Variants in DGKH observed in about 807,000 individuals in gnomAD.
DGKH encodes the protein DAG kinase eta.
A neutral mutation model predicts 159.3 loss-of-function variants in DGKH; 90 were observed. The ratio of observed to expected loss-of-function variants is 0.57; its 90% confidence interval spans 0.48 to 0.67. The LOEUF (loss-of-function observed/expected upper bound fraction) is 0.67, where lower values mean the gene tolerates loss of function less well. DGKH is among the 30% of genes least tolerant of loss of function. The pLI is 0.00. For missense variants in DGKH, 1,181 were observed against 1,506.1 expected, an observed-to-expected ratio of 0.78 and a Z score of 3.57; for synonymous variants, 536 against 553.8, an observed-to-expected ratio of 0.97 and a Z score of 0.45.
At chr13:42,145,416 T>C (rs1205800823) in intron 3 of DGKH, among the ~76,000 whole-genome samples, 1 of 152,206 alleles carries the variant, frequency 6.6e-6, no homozygotes, top group East Asian at 1.9e-4. Flanking sequence ...CTAAGGTCTT[T>C]GGGACAATCC....
rs1404055583 is a variant in DGKH at position 42,122,160 on chromosome 13, A to G, written c.193-5303A>G. Among the ~76,000 whole-genome samples, 5 of 152,186 alleles carry G rather than the reference A, an allele frequency of 3.3e-5. 1 individual carries two copies. The highest frequency in any genetic ancestry group is 7.3e-5 in the Non-Finnish European group (5 of 68,030). ...CCAAAGGGAGAAGCTAAAGGGTGAA[A>G]GAGGGCAGAAAGAGAAAGTGGAATG... On this transcript the variant is annotated intron_variant, in intron 1 of 29. Transcript: ENST00000337343.
chr13:42,048,983 G>A lies in DGKH; in HGVS notation c.192+18G>A, dbSNP rs1032539714. ...GGACCAAGGTAGGGCGGAGGAGGCG[G>A]GCCTGAGGGCCGCGTGGAAAGCGGG... On this transcript the variant is annotated intron_variant, in intron 1 of 29. Transcript: ENST00000337343. The surrounding 1 kb of genome is among the most constrained non-coding windows in gnomAD (Gnocchi z 6.7). 2 of 1,271,054 alleles carry A rather than the reference G, an allele frequency of 1.6e-6. No individual in the cohort carries two copies. Among genetic ancestry groups the A allele is most frequent in the African/African-American group, 1.5e-5 (1 of 65,414 alleles). 78.7% of individuals were successfully genotyped at this position (1,271,054 alleles called of 1,614,324 possible).
At chr13:42,121,510 T>C (rs1428001758) in intron 1 of DGKH, among the ~76,000 whole-genome samples, 1 of 152,212 alleles carries the variant, frequency 6.6e-6, no homozygotes, top group Non-Finnish European at 1.5e-5. Context: ...ACAATGGTGA[T>C]ACAAAGACAA....
At chr13:42,082,447 C>A (rs180873416) in intron 1 of DGKH, among the ~76,000 whole-genome samples, 4 of 152,150 alleles carry the variant, frequency 2.6e-5, no homozygotes, top group Admixed American at 2.6e-4. Flanking sequence ...GCCTTATTAT[C>A]CCAAATTATA....
chr13:42,252,720 G>C (rs1958629004), intron 30 of DGKH, among the ~76,000 whole-genome samples: 1 of 152,030 alleles, frequency 6.6e-6, no homozygotes, highest in Admixed American at 6.6e-5. Flanking sequence ...TGGCAACTGA[G>C]TCGGTTGGGG....
intron 18 of DGKH, 135 bp downstream of exon 18, chr13:42,198,730 A>C (rs143663167): frequency 1.2e-5 from 10 of 812,228 alleles, no homozygotes; most frequent in Non-Finnish European, 1.9e-5. Context: ...GAAAATTACA[A>C]AAGTTGATAA....
At chr13:42,163,325 G>C (rs951997762) in intron 7 of DGKH, among the ~76,000 whole-genome samples, 5 of 152,032 alleles carry the variant, frequency 3.3e-5, no homozygotes, top group African/African-American at 1.2e-4. Context: ...ATAAACATAC[G>C]TGTGCATGTG....
intron 1 of DGKH, among the ~76,000 whole-genome samples, chr13:42,040,750 G>A (rs1340390806): frequency 1.3e-5 from 2 of 149,164 alleles, no homozygotes; most frequent in African/African-American, 4.9e-5. Flanking sequence ...CCCCGGGCGG[G>A]GAGCCGGGGC....
At chr13:42,155,461 C>A in intron 4 of DGKH, 66 bp downstream of exon 4, 1 of 1,513,756 alleles carries the variant, frequency 6.6e-7, no homozygotes, top group Non-Finnish European at 9.1e-7. Flanking sequence ...AGGGCTAGAG[C>A]TCTACCGTGC....
intron 1 of DGKH, among the ~76,000 whole-genome samples, chr13:42,125,174 T>G (rs930887042): frequency 3.3e-5 from 5 of 152,222 alleles, no homozygotes; most frequent in African/African-American, 1.2e-4. Flanking sequence ...ATTCTGACTC[T>G]TGTCTCCTAT....
At chr13:42,189,448 T>C (rs1475318274) in intron 15 of DGKH, 139 bp downstream of exon 15, 45 of 1,143,402 alleles carry the variant, frequency 3.9e-5, no homozygotes, top group Non-Finnish European at 5.3e-5. Flanking sequence ...ACAGTCATTA[T>C]AAGAAAACTT....
intron 29 of DGKH, among the ~76,000 whole-genome samples, chr13:42,250,856 A>G (rs1385894266): frequency 6.6e-6 from 1 of 152,182 alleles, no homozygotes; most frequent in African/African-American, 2.4e-5. Flanking sequence ...AAACACTAAT[A>G]TGTAGCACTC....
intron 1 of DGKH, among the ~76,000 whole-genome samples, chr13:42,061,055 T>C (rs1180583194): frequency 6.6e-6 from 1 of 151,878 alleles, no homozygotes; most frequent in South Asian, 2.1e-4. Flanking sequence ...ACTTCCTCCA[T>C]AGAGGAAGGG....
At chr13:42,059,898 CTTTTTT>C (rs1331691721) in intron 1 of DGKH, among the ~76,000 whole-genome samples, 5 of 110,008 alleles carry the variant, frequency 4.5e-5, no homozygotes, top group Non-Finnish European at 4.0e-5. Flanking sequence ...AGTTCTCTCT[CTTTTTT>C]CTTTTTTTTT....
At chr13:42,186,051 ATGTC>A (rs1566170127) in intron 13 of DGKH, among the ~76,000 whole-genome samples, 1 of 102,154 alleles carries the variant, frequency 9.8e-6, no homozygotes, top group African/African-American at 3.6e-5. Context: ...GTGTGTGTGT[ATGTC>A]CTGTGTCTAT....
intron 3 of DGKH, among the ~76,000 whole-genome samples, chr13:42,150,574 T>C (rs904877389): frequency 2.0e-5 from 3 of 152,254 alleles, no homozygotes; most frequent in Admixed American, 2.0e-4. Context: ...GTAATCCTTC[T>C]GTTTATTTAT....
chr13:42,216,690 A>G (rs1957804713), intron 26 of DGKH: 1 of 152,242 alleles, frequency 6.6e-6, no homozygotes. Flanking sequence ...CTACCTCCAA[A>G]GGAAACTGAA....
At chr13:42,255,906 G>C in intron 30 of DGKH, 2 of 1,576,204 alleles carry the variant, frequency 1.3e-6, no homozygotes, top group Non-Finnish European at 1.7e-6. Flanking sequence ...GCACGTACAG[G>C]CTTGCCTTTT....
chr13:42,078,909 C>CTTTTTTTTTTTTTTT (rs55801562), intron 1 of DGKH, among the ~76,000 whole-genome samples: 1 of 93,576 alleles, frequency 1.1e-5, no homozygotes, highest in African/African-American at 4.9e-5. Flanking sequence ...GTATATTCTC[C>CTTTTTTTTTTTTTTT]TTTTTTTTTT....
Sources: allele counts gnomAD v4.1 joint callset (sites outside exome capture counted in the v4.1 genomes callset), GRCh38; gene constraint gnomAD v4.1.1; non-coding constraint Gnocchi (gnomAD v3.1); transcripts MANE v1.5; gene names NCBI Gene and HGNC (gene_info 2026-07-23, HGNC 2026-07-21).